Variants in ARMH4 observed in about 807,000 individuals in gnomAD.
The protein encoded by ARMH4 is armadillo like helical domain containing 4, also known as armadillo-like helical domain-containing protein 4.
A neutral mutation model predicts 61.9 loss-of-function variants in ARMH4; 49 were observed. That is an observed-to-expected ratio of 0.79 (90% confidence interval 0.63 to 1.00). The LOEUF (loss-of-function observed/expected upper bound fraction) is 1.00, where lower values mean the gene tolerates loss of function less well. Ranked by LOEUF, ARMH4 falls within the 50% of genes least tolerant of loss-of-function variation. ARMH4 has a pLI of 0.00. For synonymous variants in ARMH4, 368 were observed against 341.5 expected, an observed-to-expected ratio of 1.08 and a Z score of -0.85; for missense variants, 934 against 930.0, an observed-to-expected ratio of 1.00 and a Z score of -0.06.
Position 58,010,837 on chromosome 14 carries a change from C to CT in ARMH4, c.2121+1281dup, listed in dbSNP as rs34077424. Among the ~76,000 whole-genome samples, 420 of 148,632 alleles carry CT rather than the reference C, an allele frequency of 2.8e-3. 3 individuals are homozygous for CT. The highest frequency in any genetic ancestry group is 9.5e-3 in the African/African-American group (386 of 40,644). On this transcript the variant is annotated intron_variant, in intron 6 of 7. Coordinates refer to ENST00000267485, the MANE Select transcript of ARMH4 (RefSeq NM_001001872.4). Reference sequence around the variant, plus strand: ...CATGACAAAATTTATTTTCTTAAGCCTTTTTTTTTTTGGTCCCTTTCTTAA... The same window carrying CT: ...CATGACAAAATTTATTTTCTTAAGCCTTTTTTTTTTTTGGTCCCTTTCTTAA...
intron 6 of ARMH4, among the ~76,000 whole-genome samples, chr14:58,006,319 T>C (rs1441347811): frequency 6.6e-6 from 1 of 152,212 alleles, no homozygotes; most frequent in Non-Finnish European, 1.5e-5. Context: ...TTCATTTATA[T>C]GACTATTTTT....
chr14:58,006,962 A>T (rs1020881069), intron 6 of ARMH4, among the ~76,000 whole-genome samples: 1 of 152,150 alleles, frequency 6.6e-6, no homozygotes, highest in Non-Finnish European at 1.5e-5. Context: ...TAGAAGCCCA[A>T]ACTTTTTCTA....
chr14:58,080,865 GC>G (rs1885200353), intron 5 of ARMH4, among the ~76,000 whole-genome samples: 1 of 152,112 alleles, frequency 6.6e-6, no homozygotes, highest in South Asian at 2.1e-4. Context: ...ACTTTGGGAG[GC>G]CGAGGCGGGC....
At chr14:58,102,549 C>T (rs933893614) in intron 4 of ARMH4, among the ~76,000 whole-genome samples, 3 of 152,012 alleles carry the variant, frequency 2.0e-5, no homozygotes, top group Non-Finnish European at 2.9e-5. Context: ...CGGTGGCTCA[C>T]GCCTGTAATC....
intron 5 of ARMH4, among the ~76,000 whole-genome samples, chr14:58,067,168 A>G (rs893414122): frequency 6.6e-6 from 1 of 152,252 alleles, no homozygotes; most frequent in African/African-American, 2.4e-5. Flanking sequence ...TCCATCTTCT[A>G]GCCTAAGGCA....
At chr14:58,040,065 G>A (rs1056920288) in intron 5 of ARMH4, among the ~76,000 whole-genome samples, 1 of 152,002 alleles carries the variant, frequency 6.6e-6, no homozygotes, top group Non-Finnish European at 1.5e-5. Flanking sequence ...GAACACAGAA[G>A]AACCAAGAAA....
At chr14:58,082,626 T>C (rs1885263083) in intron 5 of ARMH4, among the ~76,000 whole-genome samples, 2 of 152,192 alleles carry the variant, frequency 1.3e-5, no homozygotes, top group Admixed American at 1.3e-4. Context: ...TTTCAGAGCA[T>C]TTTTCTTCCC....
At position 58,124,487 on chromosome 14, in the gene ARMH4, T is replaced by C. The variant is rs149536207; in HGVS notation, c.1831+7025A>G. 8.5e-3 allele frequency among the ~76,000 whole-genome samples: 1,292 copies of C among 152,298 alleles called. 7 individuals are homozygous for C. Among genetic ancestry groups the C allele is most frequent in the Non-Finnish European group, 0.014 (929 of 68,034 alleles). The stretch of plus-strand genomic sequence containing the variant: ...AATACAGGGAAGAGATTTTATTGTG[T>C]GGACATCTTATGATGTGAATGGCAT... On this transcript the variant is annotated intron_variant, in intron 4 of 7. Transcript: ENST00000267485.
At chr14:58,118,186 C>T (rs748397136) in intron 4 of ARMH4, among the ~76,000 whole-genome samples, 1 of 152,108 alleles carries the variant, frequency 6.6e-6, no homozygotes, top group Non-Finnish European at 1.5e-5. Flanking sequence ...AGCAGAGGAG[C>T]TCTGAGTATT....
chr14:58,141,253 C>A lies in ARMH4; in HGVS notation c.-56-1839G>T, dbSNP rs577544915. On this transcript the variant is annotated intron_variant, in intron 1 of 7. Transcript: ENST00000267485. ...ATGTCTTTTAGCTCTTTTTCTTCAG[C>A]GAGGCGGCCGGGCTGCAGACGCAGA... The A allele has an allele frequency of 9.3e-5, 27 of 290,832 alleles. 1 individual carries two copies. Among genetic ancestry groups the A allele is most frequent in the Admixed American group, 8.3e-4 (18 of 21,640 alleles). 18.0% of individuals were successfully genotyped at this position (290,832 alleles called of 1,614,324 possible). A position where few individuals can be genotyped will look rare whatever the true frequency, so the allele number is the denominator to read the frequency against.
rs151088066 is a variant in ARMH4 at position 58,086,662 on chromosome 14, G to A, written c.2089+10062C>T. Among the ~76,000 whole-genome samples the A allele has an allele frequency of 4.9e-3, 740 of 152,186 alleles. 12 individuals are homozygous for A. Among genetic ancestry groups the A allele is most frequent in the African/African-American group, 0.017 (703 of 41,498 alleles). On this transcript the variant is annotated intron_variant, in intron 5 of 7. Transcript: ENST00000267485. ...TTCAGGCCCAGAATGGCGATCAGCT[G>A]GAAGAAAAATCCCTTTTAAAAATCA...
rs1883337643 is a variant in ARMH4, at chr14:58,033,264, A to C, written c.2090-21114T>G. The stretch of plus-strand genomic sequence containing the variant: ...TGACCCCTGACCCCCAAGCAGCCTA[A>C]CTGGGAGGCACCCCCCCAGCAGGGG... On this transcript the variant is annotated intron_variant, in intron 5 of 7. Transcript: ENST00000267485. Among the ~76,000 whole-genome samples, 3 of 117,764 alleles carry C rather than the reference A, an allele frequency of 2.5e-5. 1 individual carries two copies. In the South Asian group the frequency reaches 9.8e-4, roughly 38 times the overall value. 77.3% of individuals were successfully genotyped at this position (117,764 alleles called of 152,430 possible). A position where few individuals can be genotyped will look rare whatever the true frequency, so the allele number is the denominator to read the frequency against.
chr14:58,015,773 A>T (rs1279700546), intron 5 of ARMH4, among the ~76,000 whole-genome samples: 1 of 147,054 alleles, frequency 6.8e-6, no homozygotes, highest in Non-Finnish European at 1.5e-5. Flanking sequence ...AAAAAAAAAG[A>T]TGATGGCCAG....
chr14:58,042,959 T>C (rs944092838), intron 5 of ARMH4, among the ~76,000 whole-genome samples: 1 of 152,136 alleles, frequency 6.6e-6, no homozygotes, highest in African/African-American at 2.4e-5. Context: ...GAGGCAATAA[T>C]TAATAGCTTA....
rs1566551490 is a variant in ARMH4 at position 58,038,565 on chromosome 14, A to AATT, written c.2090-26416_2090-26415insAAT. ...TTTAAAGTATAATAAAAAAAAATTA[A>AATT]AAAAAAAAAAAGAAATACTTAAATT... On this transcript the variant is annotated intron_variant, in intron 5 of 7. Transcript: ENST00000267485. 5.3e-4 allele frequency among the ~76,000 whole-genome samples: 75 copies of AATT among 141,282 alleles called. 1 individual carries two copies. The highest frequency in any genetic ancestry group is 3.5e-3 in the Middle Eastern group (1 of 286). The allele number at this position is 141,282 out of a possible 152,430, so 92.7% of individuals were successfully genotyped here.
intron 5 of ARMH4, among the ~76,000 whole-genome samples, chr14:58,092,986 C>T (rs1885625334): frequency 1.3e-5 from 2 of 152,054 alleles, no homozygotes; most frequent in South Asian, 2.1e-4. Context: ...TGTGCTGGGA[C>T]GGACTTCGTG....
rs541307544 is a variant in ARMH4, at chr14:58,008,168, A to G, written c.2122-2986T>C. 1.6e-4 allele frequency among the ~76,000 whole-genome samples: 24 copies of G among 152,342 alleles called. No homozygotes were observed. In the South Asian group the frequency reaches 4.8e-3, roughly 30 times the overall value. ...AACTGCACAGAGATCTGCTTAAAGTATATATTCATTCTTAGGAAATATACA... is the reference window on the plus strand; with the variant it reads ...AACTGCACAGAGATCTGCTTAAAGTGTATATTCATTCTTAGGAAATATACA... On this transcript the variant is annotated intron_variant, in intron 6 of 7. Transcript: ENST00000267485.
intron 5 of ARMH4, among the ~76,000 whole-genome samples, chr14:58,071,537 T>A (rs937394356): frequency 4.6e-5 from 7 of 152,208 alleles, no homozygotes; most frequent in Non-Finnish European, 1.0e-4. Flanking sequence ...CTCCCACTTG[T>A]GTTTTAGGCT....
intron 4 of ARMH4, among the ~76,000 whole-genome samples, chr14:58,104,777 A>G (rs1886114289): frequency 6.6e-6 from 1 of 152,256 alleles, no homozygotes; most frequent in African/African-American, 2.4e-5. Flanking sequence ...TATATCACCA[A>G]TGACTAATGA....
Sources: allele counts gnomAD v4.1 joint callset (sites outside exome capture counted in the v4.1 genomes callset), GRCh38; gene constraint gnomAD v4.1.1; transcripts MANE v1.5; gene names NCBI Gene and HGNC (gene_info 2026-07-23, HGNC 2026-07-21).